FLRT3: variants seen among roughly 807,000 people sequenced by gnomAD.
The protein encoded by FLRT3 is leucine-rich repeat transmembrane protein FLRT3.
FLRT3 carries 17 observed loss-of-function variants against 42.6 expected under a neutral mutation model. That is an observed-to-expected ratio of 0.40 (90% CI 0.27 to 0.60). FLRT3 has a LOEUF of 0.60. Ranked by LOEUF, FLRT3 falls within the 20% of genes least tolerant of loss-of-function variation. The pLI is 0.44. For missense variants in FLRT3, 635 were observed against 789.2 expected, an observed-to-expected ratio of 0.80 and a Z score of 2.34; for synonymous variants, 279 against 286.4, an observed-to-expected ratio of 0.97 and a Z score of 0.26.
intron 1 of FLRT3, among the ~76,000 whole-genome samples, chr20:14,336,425 A>G (rs1260021400): frequency 6.6e-6 from 1 of 152,130 alleles, no homozygotes; most frequent in African/African-American, 2.4e-5. Flanking sequence ...CTCTTTACCT[A>G]TATGCAACCA....
At position 14,325,391 on chromosome 20, in the gene FLRT3, A is replaced by C. The variant is rs2082717095; in HGVS notation, c.*166T>G. The C allele has an allele frequency of 1.6e-6, 1 of 615,358 alleles. No homozygotes were observed. Among genetic ancestry groups the C allele is most frequent in the South Asian group, 3.5e-5 (1 of 28,622 alleles). 38.1% of individuals were successfully genotyped at this position (615,358 alleles called of 1,614,324 possible). On this transcript the variant is annotated 3_prime_UTR_variant, in exon 3 of 3. Transcript: ENST00000341420. ...ATCGCAGCAGTAACCTGAAATTTGA[A>C]ACTTTTAATAAAAAGTTCTTAAATA...
chr20:14,333,008 C>A (rs1045132548), intron 1 of FLRT3, among the ~76,000 whole-genome samples: 1 of 151,976 alleles, frequency 6.6e-6, no homozygotes, highest in Non-Finnish European at 1.5e-5. Context: ...TTCTAAGCAG[C>A]CTGTCTGGTA....
At chr20:14,330,326 G>T (rs918884896) in intron 1 of FLRT3, among the ~76,000 whole-genome samples, 4 of 151,938 alleles carry the variant, frequency 2.6e-5, no homozygotes, top group African/African-American at 9.7e-5. Context: ...GTTATGCAGG[G>T]TCATCCACTC....
intron 2 of FLRT3, among the ~76,000 whole-genome samples, chr20:14,328,607 C>T (rs1409302681): frequency 6.6e-6 from 1 of 151,934 alleles, no homozygotes; most frequent in African/African-American, 2.4e-5. Flanking sequence ...GTAAATTTTG[C>T]GGGGGTGAAT....
At chr20:14,336,025 G>A (rs778145164) in intron 1 of FLRT3, among the ~76,000 whole-genome samples, 2 of 151,948 alleles carry the variant, frequency 1.3e-5, no homozygotes, top group East Asian at 1.9e-4. Flanking sequence ...TACTCATTTC[G>A]GAAGAGATGA....
rs1176227795 is a variant in FLRT3 at position 14,326,612 on chromosome 20, G to A, written c.895C>T (p.Gln299Ter). The A allele has an allele frequency of 6.2e-7, 1 of 1,613,700 alleles. No individual in the cohort carries two copies. The highest frequency in any genetic ancestry group is 8.5e-7 in the Non-Finnish European group (1 of 1,179,848). Reference sequence around the variant, plus strand: ...CAGGGATTGTTGCGAAGAATCAGTTGTGTTATATTGTCCAAATCATCAAAG... The same window carrying A: ...CAGGGATTGTTGCGAAGAATCAGTTATGTTATATTGTCCAAATCATCAAAG... ...GIFDDLDNIT[Q>*]LILRNNPWYC... Residue 299 changes from glutamine (Q) to a stop codon, truncating the protein, a stop_gained, in exon 3 of 3, where the codon CAA (glutamine) becomes TAA (stop). Transcript: ENST00000341420. LOFTEE classifies it high-confidence loss of function. The surrounding 1 kb of genome is among the most constrained non-coding windows in gnomAD (Gnocchi z 5.5).
Position 14,326,240 on chromosome 20 carries a change from T to C in FLRT3, c.1267A>G (p.Ile423Val), listed in dbSNP as rs202012290. 5.3e-5 allele frequency: 85 copies of C among 1,613,774 alleles called. No individual in the cohort carries two copies. Among genetic ancestry groups the C allele is most frequent in the Non-Finnish European group, 7.0e-5 (82 of 1,179,852 alleles). The change falls in exon 3 of 3, where the codon ATT (isoleucine) becomes GTT (valine). Residue 423 changes from isoleucine (I) to valine (V), a missense_variant. By Grantham distance (29) the Ile-to-Val change is conservative. Coordinates refer to ENST00000341420, the MANE Select transcript of FLRT3 (RefSeq NM_198391.3). The surrounding 1 kb of genome is among the most constrained non-coding windows in gnomAD (Gnocchi z 5.5). ...AGAGCAAGTTTCCAAGAGATATGAA[T>C]GGTATCAGAGGTGACAGACTTCACA... ...ITVKSVTSDT[I>V]HISWKLALPM...
At chr20:14,328,425 G>A (rs1243871038) in intron 2 of FLRT3, among the ~76,000 whole-genome samples, 1 of 151,746 alleles carries the variant, frequency 6.6e-6, no homozygotes, top group East Asian at 1.9e-4. Context: ...ATATTTCTTT[G>A]AATTCTAACC....
intron 2 of FLRT3, among the ~76,000 whole-genome samples, chr20:14,328,013 C>T (rs1413112230): frequency 6.6e-6 from 1 of 151,882 alleles, no homozygotes. Flanking sequence ...TTTATATTTA[C>T]TTTTTATTAG....
intron 1 of FLRT3, among the ~76,000 whole-genome samples, chr20:14,332,269 C>A (rs1043561277): frequency 1.3e-5 from 2 of 151,556 alleles, no homozygotes; most frequent in African/African-American, 4.9e-5. Flanking sequence ...CATGATACAC[C>A]CAATAAAACA....
In FLRT3 at chr20:14,326,958, A is replaced by G; in HGVS notation, c.549T>C (p.Asp183=). The change falls in exon 3 of 3, where the codon GAT becomes GAC. Residue 183 remains aspartate, a synonymous_variant. Transcript: ENST00000341420. This position sits in a 1 kb window ranked among gnomAD's most constrained non-coding sequence, Gnocchi z 5.5. ...LPRTIEELRL[D]DNRISTISSP... is the part of the protein sequence containing the mutation. Reference sequence around the variant, plus strand: ...ATGAAATAGTGGATATGCGATTATCATCCAAGCGTAGTTCTTCTATAGTCC... The same window carrying G: ...ATGAAATAGTGGATATGCGATTATCGTCCAAGCGTAGTTCTTCTATAGTCC... 6.2e-7 allele frequency: 1 copy of G among 1,613,762 alleles called. No individual in the cohort carries two copies. Among genetic ancestry groups the G allele is most frequent in the Non-Finnish European group, 8.5e-7 (1 of 1,179,782 alleles).
intron 1 of FLRT3, among the ~76,000 whole-genome samples, chr20:14,331,809 A>G (rs148828471): frequency 9.9e-5 from 15 of 152,204 alleles, no homozygotes; most frequent in Middle Eastern, 3.4e-3. Flanking sequence ...CTGGATCTAC[A>G]TATTTGCGCA....
At chr20:14,336,875 C>T (rs183903454) in intron 1 of FLRT3, among the ~76,000 whole-genome samples, 111 of 152,302 alleles carry the variant, frequency 7.3e-4, no homozygotes, top group African/African-American at 2.6e-3. Context: ...GCTTTAAAAT[C>T]TAGGTGTAGC....
chr20:14,325,373 C>T lies in FLRT3; in HGVS notation c.*184G>A, dbSNP rs2082716963. On this transcript the variant is annotated 3_prime_UTR_variant, in exon 3 of 3. Coordinates refer to ENST00000341420, the MANE Select transcript of FLRT3 (RefSeq NM_198391.3). ...GGCATCTCCACTACATCAATCGCAG[C>T]AGTAACCTGAAATTTGAAACTTTTA... 3 of 529,348 alleles carry T rather than the reference C, an allele frequency of 5.7e-6. No homozygotes were observed. The highest frequency in any genetic ancestry group is 3.1e-5 in the East Asian group (1 of 32,046). The allele number at this position is 529,348 out of a possible 1,614,324, so 32.8% of individuals were successfully genotyped here.
Position 14,326,847 on chromosome 20 carries a change from A to G in FLRT3, c.660T>C (p.Val220=). 6.2e-7 allele frequency: 1 copy of G among 1,613,682 alleles called. No individual in the cohort carries two copies. Among genetic ancestry groups the G allele is most frequent in the Non-Finnish European group, 8.5e-7 (1 of 1,179,762 alleles). ...LLNNHGLGDK[V]FFNLVNLTEL... The stretch of plus-strand genomic sequence containing the variant: ...CTGTCAAATTAACTAGGTTGAAGAA[A>G]ACTTTGTCACCTAAACCATGATTGT... Residue 220 remains valine (V), a synonymous_variant, in exon 3 of 3, where the codon GTT becomes GTC. Coordinates refer to ENST00000341420, the MANE Select transcript of FLRT3 (RefSeq NM_198391.3). The surrounding 1 kb of genome is among the most constrained non-coding windows in gnomAD (Gnocchi z 5.5).
At position 14,327,141 on chromosome 20, in the gene FLRT3, A is replaced by G. The variant is rs764610826; in HGVS notation, c.366T>C (p.Asp122=). 5.0e-6 allele frequency: 8 copies of G among 1,613,816 alleles called. No homozygotes were observed. In the South Asian group the frequency reaches 7.7e-5, roughly 16 times the overall value. The part of the protein sequence containing the change: ...QENNIRTITY[D]SLSKIPYLEE... Reference sequence around the variant, plus strand: ...CCAGATAGGGAATTTTTGAAAGTGAATCATAAGTGATAGTCCTTATGTTAT... The same window carrying G: ...CCAGATAGGGAATTTTTGAAAGTGAGTCATAAGTGATAGTCCTTATGTTAT... Residue 122 remains aspartate (D), a synonymous_variant, in exon 3 of 3, where the codon GAT becomes GAC. Coordinates refer to ENST00000341420, the MANE Select transcript of FLRT3 (RefSeq NM_198391.3).
chr20:14,337,261 G>A (rs2082955262), intron 1 of FLRT3, 143 bp downstream of exon 1: 3 of 232,844 alleles, frequency 1.3e-5, no homozygotes, highest in Non-Finnish European at 2.5e-5. Flanking sequence ...TTGCTGGCTT[G>A]CACGCACATA....
chr20:14,331,398 T>C (rs2082835864), intron 1 of FLRT3, among the ~76,000 whole-genome samples: 1 of 152,142 alleles, frequency 6.6e-6, no homozygotes. Flanking sequence ...CTCTATTCTG[T>C]TTGATATGCA....
Position 14,325,879 on chromosome 20 carries a change from G to A in FLRT3, c.1628C>T (p.Ala543Val). 2 of 1,613,936 alleles carry A rather than the reference G, an allele frequency of 1.2e-6. No individual in the cohort carries two copies. The highest frequency in any genetic ancestry group is 2.2e-5 in the East Asian group (1 of 44,872). Residue 543 changes from alanine to valine, a missense_variant, in exon 3 of 3, where the codon GCC becomes GTC. By Grantham distance (64) the Ala-to-Val change is moderately conservative. Coordinates refer to ENST00000341420, the MANE Select transcript of FLRT3 (RefSeq NM_198391.3). The part of the protein sequence containing the change: ...IGGAVALVTI[A>V]LLALVCWYVH... ...ATACCAACACACTAAAGCAAGAAGG[G>A]CAATGGTAACCAGGGCCACAGCCCC...
Sources: gnomAD v4.1 joint callset for allele counts (sites outside exome capture counted in the v4.1 genomes callset) on GRCh38, gnomAD v4.1.1 for gene constraint, Gnocchi (gnomAD v3.1) non-coding constraint, MANE v1.5 for transcripts, NCBI Gene and HGNC (gene_info 2026-07-23, HGNC 2026-07-21) for gene names.